Variants in SHC1 observed in about 807,000 individuals in gnomAD.
SHC1 encodes SHC-transforming protein 1.
SHC1 carries 30 observed loss-of-function variants against 55.9 expected under a neutral mutation model. The observed-to-expected ratio is 0.54, with a 90% CI of 0.40 to 0.73. SHC1 has a LOEUF of 0.73. SHC1 is among the 30% of genes least tolerant of loss of function. The pLI, the probability that SHC1 is intolerant of heterozygous loss-of-function variation, is 0.00. For missense variants in SHC1, 675 were observed against 777.1 expected (o/e 0.87, Z 1.56); for synonymous variants, 309 against 306.1 (o/e 1.01, Z -0.10).
At chr1:154,968,908 G>C (rs756348849) in intron 2 of SHC1, 74 bp from the exon 3 acceptor site, 396 of 1,389,662 alleles carry the variant, frequency 2.8e-4, no homozygotes, top group Non-Finnish European at 3.9e-4. Flanking sequence ...CCACAGGGCT[G>C]GGGGAGGGGA....
intron 10 of SHC1, 54 bp from the exon 11 acceptor site, chr1:154,965,835 G>T: frequency 6.3e-7 from 1 of 1,576,734 alleles, no homozygotes; most frequent in South Asian, 1.2e-5. Context: ...ACACACCCAA[G>T]ACCCAGACTT....
At position 154,968,674 on chromosome 1, in the gene SHC1, T is replaced by C. The variant is rs1306746700; in HGVS notation, c.631-60A>G. On this transcript the variant is annotated intron_variant, in intron 3 of 11. Coordinates refer to ENST00000448116, the MANE Select transcript of SHC1 (RefSeq NM_001130040.2). ...TTCCCAGCACAGGCAAACCACACTTTTGCCTCCTGGCCCTCTCCCCACATG... is the reference window on the plus strand; with the variant it reads ...TTCCCAGCACAGGCAAACCACACTTCTGCCTCCTGGCCCTCTCCCCACATG... 4 of 1,612,064 alleles carry C rather than the reference T, an allele frequency of 2.5e-6. No homozygotes were observed. In the Admixed American group the frequency reaches 6.7e-5, roughly 27 times the overall value.
At chr1:154,966,580 A>G in intron 7 of SHC1, 63 bp from the exon 8 acceptor site, 6 of 1,114,706 alleles carry the variant, frequency 5.4e-6, no homozygotes, top group South Asian at 1.6e-5. Flanking sequence ...AGGGAAGGAC[A>G]GAATAGAACA....
upstream of SHC1, among the ~76,000 whole-genome samples, chr1:154,973,727 ACCCAGGT>A (rs1656973998): frequency 6.6e-6 from 1 of 151,982 alleles, no homozygotes; most frequent in African/African-American, 2.4e-5. Context: ...TCAGCTGATG[ACCCAGGT>A]CCCACAAAGA....
At position 154,965,708 on chromosome 1, in the gene SHC1, C is replaced by G; in HGVS notation, c.1461G>C (p.Glu487Asp). Reference protein sequence around the residue: ...SVSMAEQLRGEPWFHGKLSRR... With the variant: ...SVSMAEQLRGDPWFHGKLSRR... ...GGCTCAGCTTCCCATGGAACCAGGG[C>G]TCCCCTCGGAGCTGCTCAGCCATGG... The change falls in exon 11 of 12, where the codon GAG becomes GAC. Residue 487 changes from glutamate to aspartate, a missense_variant. By Grantham distance (45) the Glu-to-Asp change is conservative. Coordinates refer to ENST00000448116, the MANE Select transcript of SHC1 (RefSeq NM_001130040.2). The G allele has an allele frequency of 6.2e-7, 1 of 1,614,192 alleles. No homozygotes were observed. Among genetic ancestry groups the G allele is most frequent in the South Asian group, 1.1e-5 (1 of 91,086 alleles).
intron 2 of SHC1, 141 bp from the exon 3 acceptor site, chr1:154,968,975 A>C (rs1656384047): frequency 1.3e-6 from 1 of 745,430 alleles, no homozygotes; most frequent in South Asian, 1.5e-5. Flanking sequence ...GATTGAATTA[A>C]GGGCCTTTAA....
upstream of SHC1, among the ~76,000 whole-genome samples, chr1:154,973,773 A>G (rs533850190): frequency 6.6e-6 from 1 of 152,278 alleles, no homozygotes; most frequent in African/African-American, 2.4e-5. Flanking sequence ...GTGGTCCCCT[A>G]AGGACGCGAA....
chr1:154,968,586 A>C lies in SHC1; in HGVS notation c.659T>G (p.Leu220Arg). 1 of 1,614,124 alleles carries C rather than the reference A, an allele frequency of 6.2e-7. No homozygotes were observed. Among genetic ancestry groups the C allele is most frequent in the Non-Finnish European group, 8.5e-7 (1 of 1,180,016 alleles). Residue 220 changes from leucine (L) to arginine (R), a missense_variant, in exon 4 of 12, where the codon CTG (leucine) becomes CGG (arginine). Leu to Arg is a moderately radical substitution (Grantham distance 102, BLOSUM62 -2). Coordinates refer to ENST00000448116, the MANE Select transcript of SHC1 (RefSeq NM_001130040.2). ...AGCAAATTTCAGGTTACTCCTCCCC[A>C]GGATAGAGCTGAGCGGGCGGCTACA... ...KPCSRPLSSI[L>R]GRSNLKFAGM...
Position 154,968,548 on chromosome 1 carries a change from T to G in SHC1, c.697A>C (p.Thr233Pro), listed in dbSNP as rs1392649341. ...AGGCTGCTGGTGGAGACGGTGAGAG[T>G]GATTGGCATTCCAGCAAATTTCAGG... ...SNLKFAGMPITLTVSTSSLNL... is the reference protein window; with the variant it reads ...SNLKFAGMPIPLTVSTSSLNL... The change falls in exon 4 of 12, where the codon ACT (threonine) becomes CCT (proline). Residue 233 changes from threonine to proline, a missense_variant. By Grantham distance (38) the Thr-to-Pro change is conservative. Transcript: ENST00000448116. 1.9e-6 allele frequency: 3 copies of G among 1,613,812 alleles called. No individual in the cohort carries two copies. The highest frequency in any genetic ancestry group is 2.5e-6 in the Non-Finnish European group (3 of 1,179,952).
rs1195406143 is a variant in SHC1 at position 154,963,751 on chromosome 1, A to G, written c.*52T>C. 1.3e-6 allele frequency: 2 copies of G among 1,597,904 alleles called. No individual in the cohort carries two copies. The highest frequency in any genetic ancestry group is 8.6e-7 in the Non-Finnish European group (1 of 1,168,370). On this transcript the variant is annotated 3_prime_UTR_variant, in exon 12 of 12. Transcript: ENST00000448116. Reference sequence around the variant, plus strand: ...CAAACGAGGTCCCGAGAGTTAGGGAATAGGGTGGAAAGGATTGGAGGGCAT... The same window carrying G: ...CAAACGAGGTCCCGAGAGTTAGGGAGTAGGGTGGAAAGGATTGGAGGGCAT...
Position 154,970,495 on chromosome 1 carries a change from T to C in SHC1, c.32A>G (p.Asn11Ser), listed in dbSNP as rs199610138. The change falls in exon 1 of 12, where the codon AAT (asparagine) becomes AGT (serine). Residue 11 changes from asparagine (N) to serine (S), a missense_variant. By Grantham distance (46) the Asn-to-Ser change is conservative (BLOSUM62 1). Around this residue, in one of 3 missense-constraint regions of SHC1, gnomAD observed 156 missense variants for 159.1 expected, o/e 0.98. Coordinates refer to ENST00000448116, the MANE Select transcript of SHC1 (RefSeq NM_001130040.2). The surrounding 1 kb of genome is among the most constrained non-coding windows in gnomAD (Gnocchi z 5.5). Reference sequence around the variant, plus strand: ...TGACAGAGACTCATTCCGGAGTGGATTGTACTTGGGCTTGGGGGGCAGGAG... The same window carrying C: ...TGACAGAGACTCATTCCGGAGTGGACTGTACTTGGGCTTGGGGGGCAGGAG... Reference protein sequence around the residue: MDLLPPKPKYNPLRNESLSSL... With the variant: MDLLPPKPKYSPLRNESLSSL... 102 of 1,611,596 alleles carry C rather than the reference T, an allele frequency of 6.3e-5. 1 individual carries two copies. The Admixed American group carries it at 1.3e-3, about 20-fold the overall frequency.
upstream of SHC1, chr1:154,970,808 A>C: frequency 3.0e-6 from 1 of 331,244 alleles, no homozygotes; most frequent in South Asian, 5.0e-5. The surrounding 1 kb of genome is among the most constrained non-coding windows in gnomAD (Gnocchi z 5.5). Flanking sequence ...GCGGGGAGCT[A>C]AGGGGAGAGA....
rs1656592497 is a variant in SHC1 at position 154,970,334 on chromosome 1, TCCG to T, written c.190_192del (p.Arg64del). The stretch of plus-strand genomic sequence containing the variant: ...GGGTTGGCCAGCCTCAGGTTGCTCA[TCCG>T]GGGGAAGAAGGAGCACAGGGTAGTG... On this transcript the variant is annotated inframe_deletion, in exon 1 of 12. Transcript: ENST00000448116. The surrounding 1 kb of genome is among the most constrained non-coding windows in gnomAD (Gnocchi z 5.5). 1.2e-6 allele frequency: 2 copies of T among 1,605,820 alleles called. No homozygotes were observed. The highest frequency in any genetic ancestry group is 1.7e-6 in the Non-Finnish European group (2 of 1,175,672).
chr1:154,969,465 G>A lies in SHC1; in HGVS notation c.496-17C>T. ...ACCCATGTACTAAGGGGAGGGAGAA[G>A]AGGACAGCAGGTCAGCGGCTCCCCC... On this transcript the variant is annotated splice_polypyrimidine_tract_variant and intron_variant, in intron 1 of 11. Coordinates refer to ENST00000448116, the MANE Select transcript of SHC1 (RefSeq NM_001130040.2). 1.3e-6 allele frequency: 2 copies of A among 1,588,876 alleles called. No individual in the cohort carries two copies.
intron 11 of SHC1, 168 bp downstream of exon 11, chr1:154,965,375 G>C (rs1168504347): frequency 1.2e-6 from 2 of 1,600,550 alleles, no homozygotes; most frequent in South Asian, 2.2e-5. Context: ...CAGGCTAAGG[G>C]ATGAGCCTCT....
At chr1:154,973,728 C>A (rs1656973787), upstream of SHC1, among the ~76,000 whole-genome samples, 1 of 152,016 alleles carries the variant, frequency 6.6e-6, no homozygotes, top group African/African-American at 2.4e-5. Flanking sequence ...CAGCTGATGA[C>A]CCAGGTCCCA....
In SHC1 at chr1:154,966,009, C is replaced by T; in HGVS notation, c.1324G>A (p.Gly442Ser). The T allele has an allele frequency of 1.2e-6, 2 of 1,614,046 alleles. No homozygotes were observed. The highest frequency in any genetic ancestry group is 1.7e-6 in the Non-Finnish European group (2 of 1,179,984). ...QNLDKARQAV[G>S]GAGPPNPAIN... ...GCAGGATTGGGGGGCCCAGCACCAC[C>T]CACTGCTTGCCGGGCCTTGTCTAGG... is the stretch of plus-strand genomic sequence containing the variant. Residue 442 changes from glycine (G) to serine (S), a missense_variant, in exon 10 of 12, where the codon GGT becomes AGT. Transcript: ENST00000448116.
upstream of SHC1, chr1:154,970,805 G>C (rs1656668128): frequency 2.9e-6 from 1 of 341,750 alleles, no homozygotes; most frequent in Non-Finnish European, 5.4e-6. The surrounding 1 kb of genome is among the most constrained non-coding windows in gnomAD (Gnocchi z 5.5). Flanking sequence ...GGGGCGGGGA[G>C]CTAAGGGGAG....
upstream of SHC1, among the ~76,000 whole-genome samples, chr1:154,971,809 G>A (rs1277208702): frequency 6.6e-6 from 1 of 152,142 alleles, no homozygotes; most frequent in Non-Finnish European, 1.5e-5. Context: ...AAGTACAGGA[G>A]AAAGGGGTGT....
Sources: gnomAD v4.1 joint callset for allele counts (sites outside exome capture counted in the v4.1 genomes callset) on GRCh38, gnomAD v4.1.1 for gene constraint, gnomAD v4.1.1 regional missense constraint, Gnocchi (gnomAD v3.1) non-coding constraint, MANE v1.5 for transcripts, NCBI Gene and HGNC (gene_info 2026-07-23, HGNC 2026-07-21) for gene names.